The following FOXJ3 variants were observed in gnomAD, a reference collection of about 807,000 sequenced individuals.
FOXJ3 encodes the protein forkhead box J3, also known as forkhead box protein J3.
FOXJ3 carries 22 observed loss-of-function variants against 76.1 expected under a neutral mutation model. That is an observed-to-expected ratio of 0.29 (90% CI 0.21 to 0.41). The LOEUF is 0.41. Among genes scored for constraint, FOXJ3 ranks in the 10% least tolerant of loss-of-function variants. The pLI is 1.00. For synonymous variants in FOXJ3, 269 were observed against 261.2 expected, an observed-to-expected ratio of 1.03 and a Z score of -0.29; for missense variants, 613 against 762.1, an observed-to-expected ratio of 0.80 and a Z score of 2.30.
At chr1:42,321,569 T>C (rs1438873229) in intron 1 of FOXJ3, among the ~76,000 whole-genome samples, 2 of 152,144 alleles carry the variant, frequency 1.3e-5, no homozygotes, top group African/African-American at 2.4e-5. Flanking sequence ...CCAGGACTCT[T>C]CAAAAGTACT....
intron 4 of FOXJ3, among the ~76,000 whole-genome samples, chr1:42,263,705 T>C (rs1300063945): frequency 6.6e-6 from 1 of 152,110 alleles, no homozygotes; most frequent in Admixed American, 6.6e-5. Flanking sequence ...TAGAAACGAA[T>C]AACTCTTCAT....
intron 4 of FOXJ3, among the ~76,000 whole-genome samples, chr1:42,264,081 G>C (rs1304888430): frequency 6.6e-6 from 1 of 151,696 alleles, no homozygotes; most frequent in African/African-American, 2.4e-5. Flanking sequence ...GAACTCAAAA[G>C]AGGGAGCAAC....
chr1:42,277,953 G>A (rs2124672469), intron 3 of FOXJ3, among the ~76,000 whole-genome samples: 1 of 147,798 alleles, frequency 6.8e-6, no homozygotes, highest in African/African-American at 2.5e-5. Context: ...CTCCAGCCTA[G>A]GCGTCAGAGC....
At chr1:42,273,399 C>T (rs1004657708) in intron 3 of FOXJ3, among the ~76,000 whole-genome samples, 6 of 152,124 alleles carry the variant, frequency 3.9e-5, no homozygotes, top group Middle Eastern at 3.4e-3. Context: ...GAGGACCAGG[C>T]GTGGTGGCTC....
chr1:42,230,748 T>C (rs1648017849), intron 4 of FOXJ3, among the ~76,000 whole-genome samples: 1 of 151,744 alleles, frequency 6.6e-6, no homozygotes, highest in Non-Finnish European at 1.5e-5. Context: ...TCTTATGCAC[T>C]ACTGATAGAA....
intron 4 of FOXJ3, among the ~76,000 whole-genome samples, chr1:42,245,165 T>TA (rs1649448698): frequency 2.2e-5 from 1 of 44,642 alleles, no homozygotes. Flanking sequence ...GAGACTCGTC[T>TA]CAAAAAAAAA....
chr1:42,221,169 T>C (rs1342067021), intron 5 of FOXJ3, among the ~76,000 whole-genome samples: 1 of 152,188 alleles, frequency 6.6e-6, no homozygotes, highest in African/African-American at 2.4e-5. Flanking sequence ...ATGTAGTCTC[T>C]AGAAAAGGTG....
intron 2 of FOXJ3, among the ~76,000 whole-genome samples, chr1:42,279,277 T>C (rs1296632725): frequency 6.6e-6 from 1 of 151,792 alleles, no homozygotes; most frequent in Non-Finnish European, 1.5e-5. Context: ...CTGGGGGAGT[T>C]GACCGAAAAA....
At chr1:42,219,568 C>T (rs1193314722) in intron 5 of FOXJ3, among the ~76,000 whole-genome samples, 4 of 152,136 alleles carry the variant, frequency 2.6e-5, no homozygotes, top group South Asian at 2.1e-4. Flanking sequence ...CTTGGCCTTG[C>T]GCTTACTATG....
chr1:42,327,165 T>C (rs561070022), intron 1 of FOXJ3, among the ~76,000 whole-genome samples: 8 of 152,344 alleles, frequency 5.3e-5, no homozygotes, highest in African/African-American at 1.9e-4. Context: ...AAAACACGAC[T>C]TCCTCTGATA....
intron 2 of FOXJ3, among the ~76,000 whole-genome samples, chr1:42,283,560 A>G (rs1307132624): frequency 2.0e-5 from 3 of 152,244 alleles, no homozygotes; most frequent in Non-Finnish European, 2.9e-5. Flanking sequence ...AATAAAAAGA[A>G]TAAGAATAAT....
intron 5 of FOXJ3, among the ~76,000 whole-genome samples, chr1:42,216,246 C>T (rs1647062180): frequency 6.6e-6 from 1 of 151,766 alleles, no homozygotes; most frequent in Admixed American, 6.6e-5. Flanking sequence ...TTGCCGGGCG[C>T]GGTGGCTCAC....
chr1:42,235,964 CAG>C (rs1476245405), intron 4 of FOXJ3, among the ~76,000 whole-genome samples: 1 of 152,128 alleles, frequency 6.6e-6, no homozygotes, highest in Admixed American at 6.5e-5. Context: ...GCTGGGGTTA[CAG>C]GTGTGAGCTA....
At chr1:42,194,208 C>A (rs1459802073) in intron 8 of FOXJ3, among the ~76,000 whole-genome samples, 1 of 152,136 alleles carries the variant, frequency 6.6e-6, no homozygotes, top group Non-Finnish European at 1.5e-5. Context: ...GTAGAGTTCC[C>A]AACAATTTCT....
intron 2 of FOXJ3, among the ~76,000 whole-genome samples, chr1:42,309,018 AT>A (rs1654641276): frequency 6.6e-6 from 1 of 151,518 alleles, no homozygotes; most frequent in African/African-American, 2.4e-5. Flanking sequence ...AAAAAAAAAA[AT>A]GCTTTTCTAC....
chr1:42,251,833 C>A (rs1474309331), intron 4 of FOXJ3, among the ~76,000 whole-genome samples: 2 of 151,180 alleles, frequency 1.3e-5, no homozygotes, highest in Non-Finnish European at 2.9e-5. Context: ...ATTCTCCTGC[C>A]TCAGCCTCCC....
At chr1:42,262,318 C>T (rs898016509) in intron 4 of FOXJ3, among the ~76,000 whole-genome samples, 1 of 152,176 alleles carries the variant, frequency 6.6e-6, no homozygotes, top group African/African-American at 2.4e-5. Flanking sequence ...GTTCTAATTC[C>T]ACAATGAACC....
In FOXJ3 at chr1:42,219,852, G is replaced by A. The variant is rs192004849; in HGVS notation, c.528+8031C>T. Among the ~76,000 whole-genome samples, 479 of 152,306 alleles carry A rather than the reference G, an allele frequency of 3.1e-3. 7 individuals are homozygous for A. The highest frequency in any genetic ancestry group is 3.2e-3 in the Non-Finnish European group (221 of 68,024). On this transcript the variant is annotated intron_variant, in intron 5 of 12. Transcript: ENST00000361346. ...GAGGATAGCTTGAGCCCAGGAGGTC[G>A]AGACTGCAGTGAGCCATGGTCACAA...
chr1:42,248,656 TACAGTCAAAAGTCACCTTTC>T (rs1649744534), intron 4 of FOXJ3, among the ~76,000 whole-genome samples: 1 of 148,116 alleles, frequency 6.8e-6, no homozygotes, highest in Non-Finnish European at 1.5e-5. Context: ...GTATGTCCAA[TACAGTCAAAAGTCACCTTTC>T]ACAAAGCAAA....
Sources: allele counts gnomAD v4.1 joint callset (sites outside exome capture counted in the v4.1 genomes callset), GRCh38; gene constraint gnomAD v4.1.1; transcripts MANE v1.5; gene names NCBI Gene and HGNC (gene_info 2026-07-23, HGNC 2026-07-21).